Variants in TNIK observed in about 807,000 individuals in gnomAD.
TNIK encodes the protein TRAF2 and NCK interacting kinase.
In TNIK, 49 loss-of-function variants were observed where a neutral mutation model predicts 191.3. The observed-to-expected ratio is 0.26, with a 90% CI of 0.20 to 0.32. TNIK has a LOEUF of 0.32. TNIK is among the 10% of genes least tolerant of loss of function. TNIK has a pLI of 1.00. For missense variants in TNIK, 1,155 were observed against 1,702.3 expected (o/e 0.68, Z 5.66); for synonymous variants, 594 against 600.9 (o/e 0.99, Z 0.17).
At chr3:171,202,478 T>C (rs150701215) in intron 4 of TNIK, among the ~76,000 whole-genome samples, 3 of 152,254 alleles carry the variant, frequency 2.0e-5, no homozygotes, top group Non-Finnish European at 4.4e-5. Flanking sequence ...AATAGGAACA[T>C]AGACTTTGGC....
At chr3:171,390,538 G>A (rs1276504831) in intron 1 of TNIK, among the ~76,000 whole-genome samples, 15 of 152,136 alleles carry the variant, frequency 9.9e-5, no homozygotes, top group East Asian at 3.9e-4. Context: ...ACAGGGTCTC[G>A]CACACAGCCA....
chr3:171,107,345 A>T, intron 20 of TNIK, 139 bp from the exon 21 acceptor site: 1 of 720,696 alleles, frequency 1.4e-6, no homozygotes, highest in Non-Finnish European at 2.3e-6. Context: ...GTCAATCCAG[A>T]ATGATGCAAA....
chr3:171,157,885 G>T (rs768017619), intron 11 of TNIK, among the ~76,000 whole-genome samples: 1 of 152,140 alleles, frequency 6.6e-6, no homozygotes, highest in Non-Finnish European at 1.5e-5. Flanking sequence ...AACAAATGCT[G>T]CCTCCATCCA....
chr3:171,176,087 A>G (rs1735920601), intron 8 of TNIK, among the ~76,000 whole-genome samples: 1 of 152,212 alleles, frequency 6.6e-6, no homozygotes, highest in African/African-American at 2.4e-5. Flanking sequence ...GAGAATTTCT[A>G]CTTTGTAGCT....
At chr3:171,432,339 C>T (rs781090717) in intron 1 of TNIK, among the ~76,000 whole-genome samples, 4 of 152,034 alleles carry the variant, frequency 2.6e-5, no homozygotes, top group Non-Finnish European at 4.4e-5. Context: ...GAGATCCAAA[C>T]TAAGTAGGAA....
intron 2 of TNIK, among the ~76,000 whole-genome samples, chr3:171,310,317 C>A (rs1434889967): frequency 6.6e-6 from 1 of 151,782 alleles, no homozygotes; most frequent in African/African-American, 2.4e-5. Context: ...AGCTGCTGAG[C>A]CATCATTTTT....
At chr3:171,372,637 A>C (rs6444984) in intron 1 of TNIK, among the ~76,000 whole-genome samples, 128,435 of 152,140 alleles carry the variant, frequency 0.84, 54,776 homozygotes, top group Non-Finnish European at 0.91. Flanking sequence ...TGCATGTGGG[A>C]TGCCCCCCAA....
chr3:171,123,499 C>T, intron 18 of TNIK, 97 bp downstream of exon 18: 5 of 1,029,610 alleles, frequency 4.9e-6, no homozygotes, highest in Non-Finnish European at 6.8e-6. Context: ...CAACCTGCCT[C>T]TGAAGAGAAA....
intron 2 of TNIK, among the ~76,000 whole-genome samples, chr3:171,282,802 A>G (rs1255626094): frequency 6.6e-6 from 1 of 152,230 alleles, no homozygotes; most frequent in Non-Finnish European, 1.5e-5. Flanking sequence ...TCAAGATTCA[A>G]AGTAAAAACT....
chr3:171,182,687 C>G (rs1239352477), intron 7 of TNIK, among the ~76,000 whole-genome samples: 1 of 152,178 alleles, frequency 6.6e-6, no homozygotes, highest in Non-Finnish European at 1.5e-5. Context: ...AGCTGATACA[C>G]AAGCAACTTG....
intron 2 of TNIK, among the ~76,000 whole-genome samples, chr3:171,294,070 CA>C (rs34325946): frequency 0.49 from 73,749 of 151,342 alleles, 18,511 homozygotes; most frequent in Non-Finnish European, 0.51. Context: ...ACTAAAAATA[CA>C]AAAAAAAATT....
intron 2 of TNIK, among the ~76,000 whole-genome samples, chr3:171,277,492 A>G (rs377513500): frequency 6.6e-5 from 10 of 152,256 alleles, no homozygotes; most frequent in Admixed American, 5.9e-4. Flanking sequence ...GCCTAACACT[A>G]TTTTGATTAA....
At chr3:171,211,294 G>T in intron 3 of TNIK, 53 bp from the exon 4 acceptor site, 1 of 1,550,510 alleles carries the variant, frequency 6.4e-7, no homozygotes, top group Non-Finnish European at 8.7e-7. Flanking sequence ...GTTGTTAGTA[G>T]GATTCTGTTC....
At chr3:171,122,086 A>G (rs1190821473) in intron 18 of TNIK, among the ~76,000 whole-genome samples, 1 of 152,242 alleles carries the variant, frequency 6.6e-6, no homozygotes, top group Non-Finnish European at 1.5e-5. Context: ...CAATTATCTT[A>G]GGCCTTAATG....
At chr3:171,141,548 C>G (rs1041265952) in intron 12 of TNIK, among the ~76,000 whole-genome samples, 37 of 152,216 alleles carry the variant, frequency 2.4e-4, no homozygotes, top group Admixed American at 7.8e-4. Flanking sequence ...GCCATTACCC[C>G]TCTCTGGAGC....
chr3:171,324,474 C>A (rs1000289758), intron 2 of TNIK, among the ~76,000 whole-genome samples: 1 of 152,066 alleles, frequency 6.6e-6, no homozygotes, highest in Non-Finnish European at 1.5e-5. Context: ...TATTTTCATA[C>A]AAATGGCTGA....
chr3:171,148,887 C>T lies in TNIK; in HGVS notation c.1222-8378G>A, dbSNP rs116607435. Among the ~76,000 whole-genome samples the T allele has an allele frequency of 3.4e-3, 510 of 152,236 alleles. 3 individuals are homozygous for T. Among genetic ancestry groups the T allele is most frequent in the African/African-American group, 0.012 (479 of 41,520 alleles). ...AATAGAATGTGCTGCCTCAAGCCCA[C>T]GGACATACAAGGAAAGATTATATGT... On this transcript the variant is annotated intron_variant, in intron 12 of 32. Transcript: ENST00000436636.
intron 2 of TNIK, among the ~76,000 whole-genome samples, chr3:171,337,752 A>G (rs889350592): frequency 2.6e-5 from 4 of 152,214 alleles, no homozygotes; most frequent in African/African-American, 9.6e-5. Context: ...GTGCCTGGCC[A>G]TTTCATTCAC....
In TNIK at chr3:171,411,289, T is replaced by C. The variant is rs138545364; in HGVS notation, c.58-41604A>G. On this transcript the variant is annotated intron_variant, in intron 1 of 32. Coordinates refer to ENST00000436636, the MANE Select transcript of TNIK (RefSeq NM_015028.4). ...TAAGGTCTTGCTCTGTTGACCAGGC[T>C]GGCTGAGAAATCATAATCTTAATGT... Among the ~76,000 whole-genome samples the C allele has an allele frequency of 4.0e-3, 614 of 152,224 alleles. 5 individuals carry two copies. The highest frequency in any genetic ancestry group is 0.014 in the African/African-American group (591 of 41,504).
Sources: allele counts gnomAD v4.1 joint callset (sites outside exome capture counted in the v4.1 genomes callset), GRCh38; gene constraint gnomAD v4.1.1; transcripts MANE v1.5; gene names NCBI Gene and HGNC (gene_info 2026-07-23, HGNC 2026-07-21).